The following CACNA1E variants were observed in gnomAD, a reference collection of about 807,000 sequenced individuals.
CACNA1E encodes the protein calcium voltage-gated channel subunit alpha1 E, also known as voltage-dependent R-type calcium channel subunit alpha-1E.
Under a neutral mutation model 259.2 loss-of-function variants are expected in CACNA1E, and 40 were observed. The ratio of observed to expected loss-of-function variants is 0.15; its 90% CI spans 0.12 to 0.20. CACNA1E has a LOEUF of 0.20. Ranked by LOEUF, CACNA1E falls within the 10% of genes least tolerant of loss-of-function variation. The pLI is 1.00. For synonymous variants in CACNA1E, 1,104 were observed against 1,138.5 expected (o/e 0.97, Z 0.61); for missense variants, 1,874 against 3,040.1 (o/e 0.62, Z 9.02).
At chr1:181,728,598 C>T (rs1195702992) in intron 18 of CACNA1E, among the ~76,000 whole-genome samples, 1 of 150,458 alleles carries the variant, frequency 6.6e-6, no homozygotes, top group African/African-American at 2.4e-5. Flanking sequence ...CGTGTGCGTA[C>T]TCTGCCCAGG....
At chr1:181,752,843 C>A (rs1307335100) in intron 27 of CACNA1E, among the ~76,000 whole-genome samples, 1 of 152,176 alleles carries the variant, frequency 6.6e-6, no homozygotes, top group Non-Finnish European at 1.5e-5. Flanking sequence ...CCAGATTTCT[C>A]CTTGTCTAAT....
chr1:181,745,334 T>C, intron 25 of CACNA1E: 1 of 496,322 alleles, frequency 2.0e-6, no homozygotes, highest in Non-Finnish European at 4.0e-6. Flanking sequence ...CCAAGTATTT[T>C]TTTTTTTTTT....
intron 2 of CACNA1E, among the ~76,000 whole-genome samples, chr1:181,451,307 T>G (rs1455417581): frequency 6.6e-6 from 1 of 152,220 alleles, no homozygotes; most frequent in African/African-American, 2.4e-5. Flanking sequence ...CAGATCAATA[T>G]TTTTAACATC....
At chr1:181,468,082 T>C (rs1177606720) in intron 2 of CACNA1E, among the ~76,000 whole-genome samples, 1 of 152,216 alleles carries the variant, frequency 6.6e-6, no homozygotes, top group Non-Finnish European at 1.5e-5. Flanking sequence ...GAGGTTGATG[T>C]GTGTGGCTAG....
At position 181,485,974 on chromosome 1, in the gene CACNA1E, G is replaced by A. The variant is rs767737891; in HGVS notation, c.266+1964G>A. On this transcript the variant is annotated intron_variant, in intron 1 of 47. Transcript: ENST00000367573. This position sits in a 1 kb window ranked among gnomAD's most constrained non-coding sequence, Gnocchi z 4.2. ...GGCCCGGGGCTCCCCAGTTACCCGGGTTCAGCACCTCGGGTACTTCTGGCC... is the reference window on the plus strand; with the variant it reads ...GGCCCGGGGCTCCCCAGTTACCCGGATTCAGCACCTCGGGTACTTCTGGCC... Among the ~76,000 whole-genome samples, 47 of 152,260 alleles carry A rather than the reference G, an allele frequency of 3.1e-4. No individual in the cohort carries two copies. Among genetic ancestry groups the A allele is most frequent in the Non-Finnish European group, 4.4e-4 (30 of 68,048 alleles).
intron 2 of CACNA1E, among the ~76,000 whole-genome samples, chr1:181,476,598 T>G (rs1407711629): frequency 6.6e-6 from 1 of 152,244 alleles, no homozygotes; most frequent in Non-Finnish European, 1.5e-5. Context: ...TCCTAGGCAC[T>G]GCCTCCTTTG....
At chr1:181,612,560 A>G (rs1432998876) in intron 6 of CACNA1E, among the ~76,000 whole-genome samples, 1 of 152,218 alleles carries the variant, frequency 6.6e-6, no homozygotes, top group Non-Finnish European at 1.5e-5. Flanking sequence ...GCCTCTCACT[A>G]GAGGCTTCCT....
At chr1:181,721,980 G>C in intron 16 of CACNA1E, 105 bp downstream of exon 16, 1 of 749,684 alleles carries the variant, frequency 1.3e-6, no homozygotes, top group Middle Eastern at 2.5e-4. Flanking sequence ...GTGGGACAGG[G>C]GCGTGGACAT....
chr1:181,682,433 C>A (rs190578619), intron 7 of CACNA1E, among the ~76,000 whole-genome samples: 15 of 152,288 alleles, frequency 9.8e-5, no homozygotes, highest in African/African-American at 3.1e-4. Flanking sequence ...ACATTCCCGC[C>A]AAGCTGGTTG....
At chr1:181,797,519 C>T (rs928796028) in intron 47 of CACNA1E, among the ~76,000 whole-genome samples, 2 of 152,180 alleles carry the variant, frequency 1.3e-5, no homozygotes, top group African/African-American at 4.8e-5. Flanking sequence ...AGAGGTTTCC[C>T]TTCTAGAACA....
chr1:181,622,887 G>A (rs745424201), intron 6 of CACNA1E, among the ~76,000 whole-genome samples: 5 of 152,288 alleles, frequency 3.3e-5, no homozygotes, highest in East Asian at 1.9e-4. Flanking sequence ...TAAAAAAACC[G>A]CGACAGCCCA....
intron 1 of CACNA1E, among the ~76,000 whole-genome samples, chr1:181,384,891 T>TAATAA (rs145334939): frequency 6.6e-6 from 1 of 152,050 alleles, no homozygotes; most frequent in Non-Finnish European, 1.5e-5. Context: ...AAGTATATAA[T>TAATAA]AATAAAATAA....
intron 1 of CACNA1E, among the ~76,000 whole-genome samples, chr1:181,374,266 G>A (rs1654929773): frequency 6.6e-6 from 1 of 152,060 alleles, no homozygotes; most frequent in Admixed American, 6.6e-5. Context: ...TTTACCCAAT[G>A]GTCATTGATG....
chr1:181,600,566 G>A (rs1351667531), intron 6 of CACNA1E, among the ~76,000 whole-genome samples: 1 of 152,122 alleles, frequency 6.6e-6, no homozygotes, highest in African/African-American at 2.4e-5. Context: ...TTAATGGGTT[G>A]AATGTGGGGT....
Position 181,805,172 on chromosome 1 carries a change from C to G in CACNA1E, c.*6338C>G, listed in dbSNP as rs932174142. On this transcript the variant is annotated 3_prime_UTR_variant, in exon 48 of 48. Transcript: ENST00000367573. The stretch of plus-strand genomic sequence containing the variant: ...ACCAGACCCTAGACTTTATACCAGG[C>G]TGTGCCACTTCCTCTTCACTTCACT... The G allele has an allele frequency of 2.0e-5, 3 of 152,184 alleles. No homozygotes were observed. Among genetic ancestry groups the G allele is most frequent in the Non-Finnish European group, 2.9e-5 (2 of 68,034 alleles). The allele number at this position is 152,184 out of a possible 1,614,324, so 9.4% of individuals were successfully genotyped here.
chr1:181,571,874 A>G (rs533575859), intron 3 of CACNA1E, among the ~76,000 whole-genome samples: 14 of 152,316 alleles, frequency 9.2e-5, no homozygotes, highest in African/African-American at 3.4e-4. Context: ...GGGCTGGGAC[A>G]ATGACTAAGA....
intron 3 of CACNA1E, among the ~76,000 whole-genome samples, chr1:181,514,617 C>A (rs1014939409): frequency 5.3e-5 from 8 of 152,150 alleles, no homozygotes; most frequent in Admixed American, 4.6e-4. Flanking sequence ...TGTCACCTCC[C>A]ATTTTCCCCT....
chr1:181,406,737 G>A (rs1360551916), intron 1 of CACNA1E, among the ~76,000 whole-genome samples: 1 of 152,156 alleles, frequency 6.6e-6, no homozygotes, highest in Non-Finnish European at 1.5e-5. Flanking sequence ...GATATGCAAG[G>A]CTATGTAATT....
intron 3 of CACNA1E, among the ~76,000 whole-genome samples, chr1:181,563,433 A>G (rs2102899297): frequency 6.6e-6 from 1 of 152,306 alleles, no homozygotes; most frequent in Admixed American, 6.5e-5. Flanking sequence ...TGCCCAAAAA[A>G]GGGCCCCTGT....
Sources: allele counts gnomAD v4.1 joint callset (sites outside exome capture counted in the v4.1 genomes callset), GRCh38; gene constraint gnomAD v4.1.1; non-coding constraint Gnocchi (gnomAD v3.1); transcripts MANE v1.5; gene names NCBI Gene and HGNC (gene_info 2026-07-23, HGNC 2026-07-21).